Variants in IPO11 observed in about 807,000 individuals in gnomAD.
IPO11 encodes importin 11.
Under a neutral mutation model 143.2 loss-of-function variants are expected in IPO11, and 66 were observed. That is an observed-to-expected ratio of 0.46 (90% CI 0.38 to 0.57). The LOEUF (loss-of-function observed/expected upper bound fraction) is 0.57. IPO11 is among the 20% of genes least tolerant of loss of function. The pLI is 0.00. For missense variants in IPO11, 1,026 were observed against 1,141.0 expected (o/e 0.90, Z 1.45); for synonymous variants, 385 against 377.8 (o/e 1.02, Z -0.22).
chr5:62,470,295 A>T lies in IPO11; in HGVS notation c.695A>T (p.Asn232Ile). 2 of 1,613,736 alleles carry T rather than the reference A, an allele frequency of 1.2e-6. No homozygotes were observed. Among genetic ancestry groups the T allele is most frequent in the Non-Finnish European group, 1.7e-6 (2 of 1,179,720 alleles). The change falls in exon 7 of 30, where the codon AAT becomes ATT. Residue 232 changes from asparagine to isoleucine, a missense_variant. Asn to Ile is a moderately radical substitution (Grantham distance 149). This residue lies in a region of IPO11 where 429 missense variants were observed against 456.3 expected (regional missense o/e 0.94). Coordinates refer to ENST00000325324, the MANE Select transcript of IPO11 (RefSeq NM_016338.5). The part of the protein sequence containing the change: ...TVNGFVEPHK[N>I]MEVMGFLHGI... ...AATGGATTTGTGGAACCTCATAAGA[A>T]TATGGAGGTGATGGTAAGTGATCGA...
intron 2 of IPO11, among the ~76,000 whole-genome samples, chr5:62,440,308 T>G (rs922204371): frequency 6.6e-6 from 1 of 151,942 alleles, no homozygotes; most frequent in African/African-American, 2.4e-5. Flanking sequence ...TTTTTGTATT[T>G]AGACATGATT....
At chr5:62,477,743 T>G (rs1420131455) in intron 9 of IPO11, among the ~76,000 whole-genome samples, 1 of 152,202 alleles carries the variant, frequency 6.6e-6, no homozygotes, top group African/African-American at 2.4e-5. Flanking sequence ...AAAGCATTAT[T>G]TAGATGATCT....
intron 2 of IPO11, among the ~76,000 whole-genome samples, chr5:62,442,403 T>C (rs920941424): frequency 6.6e-6 from 1 of 152,192 alleles, no homozygotes; most frequent in Non-Finnish European, 1.5e-5. Context: ...AAACACACCT[T>C]AAAGCAGAAT....
rs1405205293 is a variant in IPO11 at position 62,486,278 on chromosome 5, CCTTTT to C, written c.1218+822_1218+826del. 2.6e-5 allele frequency among the ~76,000 whole-genome samples: 4 copies of C among 152,232 alleles called. No individual in the cohort carries two copies. In the East Asian group the frequency reaches 5.8e-4, roughly 22 times the overall value. On this transcript the variant is annotated intron_variant, in intron 12 of 29. Transcript: ENST00000325324. ...TACAGGCGTGAGCCACTGTGCCTGG[CCTTTT>C]CTTTTGTTTAACTTGGGGTCGGAAA...
Position 62,518,044 on chromosome 5 carries a change from C to T in IPO11, c.1896+2543C>T, listed in dbSNP as rs150599167. ...GTTGGCCAGGCACTGTGGCTCACAC[C>T]TGTAATCCCGGCATTTTGGGAGGCT... On this transcript the variant is annotated intron_variant, in intron 20 of 29. Transcript: ENST00000325324. Among the ~76,000 whole-genome samples, 1,097 of 151,870 alleles carry T rather than the reference C, an allele frequency of 7.2e-3. 14 individuals are homozygous for T. Among genetic ancestry groups the T allele is most frequent in the African/African-American group, 0.025 (1,032 of 41,380 alleles).
intron 20 of IPO11, 88 bp downstream of exon 20, chr5:62,515,589 T>C (rs1741985676): frequency 1.3e-6 from 1 of 747,564 alleles, no homozygotes; most frequent in Admixed American, 3.1e-5. Context: ...ATGTGATTTA[T>C]GTTAATGGTA....
intron 27 of IPO11, among the ~76,000 whole-genome samples, chr5:62,569,590 A>G (rs978086387): frequency 1.3e-5 from 2 of 152,190 alleles, no homozygotes; most frequent in African/African-American, 4.8e-5. Context: ...TAATTTGTGG[A>G]AAGGGGCAGT....
intron 2 of IPO11, among the ~76,000 whole-genome samples, chr5:62,440,287 T>C (rs1424021691): frequency 3.3e-5 from 5 of 152,026 alleles, no homozygotes; most frequent in Non-Finnish European, 7.4e-5. Flanking sequence ...ATTTGTAATC[T>C]TTTTTCTTTT....
chr5:62,626,104 A>C (rs1468708781), intron 29 of IPO11, among the ~76,000 whole-genome samples: 1 of 151,764 alleles, frequency 6.6e-6, no homozygotes, highest in Non-Finnish European at 1.5e-5. Context: ...ATCTCAGCTC[A>C]CTGCAACCTC....
intron 7 of IPO11, among the ~76,000 whole-genome samples, chr5:62,473,177 TTC>T (rs1745844278): frequency 6.6e-6 from 1 of 152,206 alleles, no homozygotes; most frequent in African/African-American, 2.4e-5. Flanking sequence ...TCCTGAAGTT[TTC>T]TTCTTTTTTT....
At chr5:62,617,458 A>G (rs573833746) in intron 29 of IPO11, among the ~76,000 whole-genome samples, 1 of 152,230 alleles carries the variant, frequency 6.6e-6, no homozygotes, top group Non-Finnish European at 1.5e-5. Context: ...AATTAAAGGC[A>G]GTGCTGGATA....
intron 26 of IPO11, among the ~76,000 whole-genome samples, chr5:62,556,611 G>A (rs1743583202): frequency 6.6e-6 from 1 of 152,018 alleles, no homozygotes; most frequent in African/African-American, 2.4e-5. Context: ...AGAATTTGAG[G>A]CTGCACTTAG....
chr5:62,550,367 G>A lies in IPO11; in HGVS notation c.2251G>A (p.Val751Ile). The A allele has an allele frequency of 6.2e-7, 1 of 1,607,216 alleles. No homozygotes were observed. ...ACCAATCTTTCTTTCTGGTTTTTAG[G>A]TTGTGGAAAATGCCCTTAAAGTGAA... ...TTEGQVQVLK[V>I]VENALKVNPI... is the part of the protein sequence containing the mutation. Residue 751 changes from valine to isoleucine, a missense_variant and splice_region_variant, in exon 25 of 30, where the codon GTT becomes ATT. Transcript: ENST00000325324.
chr5:62,493,933 A>T, intron 15 of IPO11, 65 bp from the exon 16 acceptor site: 1 of 1,377,796 alleles, frequency 7.3e-7, no homozygotes, highest in Non-Finnish European at 9.9e-7. Context: ...ATGATAAATT[A>T]TACTAAAAGA....
chr5:62,624,423 G>A lies in IPO11; in HGVS notation c.2764-2731G>A, dbSNP rs145047098. Among the ~76,000 whole-genome samples the A allele has an allele frequency of 3.3e-3, 507 of 152,190 alleles. 3 individuals carry two copies. Among genetic ancestry groups the A allele is most frequent in the African/African-American group, 0.012 (479 of 41,512 alleles). On this transcript the variant is annotated intron_variant, in intron 29 of 29. Coordinates refer to ENST00000325324, the MANE Select transcript of IPO11 (RefSeq NM_016338.5). The stretch of plus-strand genomic sequence containing the variant: ...AATACCACCATGGCATTTGTAAACC[G>A]TCATGGTGCTGGTGGGATTGTCTTT...
intron 29 of IPO11, among the ~76,000 whole-genome samples, chr5:62,620,502 G>A (rs1305379735): frequency 3.9e-5 from 5 of 127,196 alleles, no homozygotes; most frequent in African/African-American, 1.5e-4. Flanking sequence ...CTGGGCAACA[G>A]AGCGAGACTC....
Position 62,449,826 on chromosome 5 carries a change from CAT to C in IPO11, c.240-100_240-99del, listed in dbSNP as rs373422246. 1.0e-4 allele frequency: 68 copies of C among 667,974 alleles called. 2 individuals carry two copies. The highest frequency in any genetic ancestry group is 6.0e-4 in the East Asian group (21 of 34,744). 41.4% of individuals were successfully genotyped at this position (667,974 alleles called of 1,614,324 possible). A position where few individuals can be genotyped will look rare whatever the true frequency, so the allele number is the denominator to read the frequency against. ...TATTTACAAAAACCAATCAGAGACA[CAT>C]GTTTGAAAGGCTTTTTATTAAAATT... On this transcript the variant is annotated intron_variant, in intron 3 of 29. Coordinates refer to ENST00000325324, the MANE Select transcript of IPO11 (RefSeq NM_016338.5).
intron 26 of IPO11, among the ~76,000 whole-genome samples, chr5:62,555,471 C>T (rs186100026): frequency 7.1e-6 from 1 of 141,040 alleles, no homozygotes; most frequent in African/African-American, 2.7e-5. Flanking sequence ...TGCCACCACA[C>T]CTGGCTAATT....
Position 62,598,527 on chromosome 5 carries a change from TTTTC to T in IPO11, c.2679-3229_2679-3226del, listed in dbSNP as rs372622354. On this transcript the variant is annotated intron_variant, in intron 28 of 29. Transcript: ENST00000325324. ...CTTTCTTTCTTTCTTTCTTTCTTTC[TTTTC>T]TTTCTTTTCTTTCTTTTCTTTCTTT... 4.4e-4 allele frequency among the ~76,000 whole-genome samples: 3 copies of T among 6,872 alleles called. No individual in the cohort carries two copies. In the Admixed American group the frequency reaches 6.4e-3, roughly 15 times the overall value. 4.5% of individuals were successfully genotyped at this position (6,872 alleles called of 152,430 possible). A position where few individuals can be genotyped will look rare whatever the true frequency, so the allele number is the denominator to read the frequency against.
Sources: gnomAD v4.1 joint callset for allele counts (sites outside exome capture counted in the v4.1 genomes callset) on GRCh38, gnomAD v4.1.1 for gene constraint, gnomAD v4.1.1 regional missense constraint, MANE v1.5 for transcripts, NCBI Gene and HGNC (gene_info 2026-07-23, HGNC 2026-07-21) for gene names.